PSMD1: variants seen among roughly 807,000 people sequenced by gnomAD.
The protein encoded by PSMD1 is proteasome 26S subunit, non-ATPase 1, also known as 26S proteasome non-ATPase regulatory subunit 1.
PSMD1 carries 18 observed loss-of-function variants against 119.0 expected under a neutral mutation model. The ratio of observed to expected loss-of-function variants is 0.15; its 90% CI spans 0.10 to 0.22. The LOEUF is 0.22. PSMD1 is among the 10% of genes least tolerant of loss of function. The pLI, the probability that PSMD1 is intolerant of heterozygous loss-of-function variation, is 1.00. For missense variants in PSMD1, 702 were observed against 1,158.5 expected, an observed-to-expected ratio of 0.61 and a Z score of 5.72; for synonymous variants, 374 against 396.6, an observed-to-expected ratio of 0.94 and a Z score of 0.68.
intron 16 of PSMD1, chr2:231,125,255 A>G (rs1695691298): frequency 6.6e-6 from 1 of 152,240 alleles, no homozygotes; most frequent in Non-Finnish European, 1.5e-5. Flanking sequence ...TATATTTTTA[A>G]GAGCTCTCTT....
intron 16 of PSMD1, among the ~76,000 whole-genome samples, chr2:231,136,823 G>A (rs966344892): frequency 6.6e-6 from 1 of 151,186 alleles, no homozygotes; most frequent in African/African-American, 2.4e-5. Context: ...CTTTATGTCT[G>A]CATTCTCTGT....
intron 16 of PSMD1, among the ~76,000 whole-genome samples, chr2:231,126,255 A>C (rs1574755913): frequency 6.6e-6 from 1 of 152,084 alleles, no homozygotes; most frequent in Non-Finnish European, 1.5e-5. Flanking sequence ...CACATAAATT[A>C]GCCAAGGGTG....
At chr2:231,075,135 A>G (rs923155703) in intron 7 of PSMD1, among the ~76,000 whole-genome samples, 2 of 152,180 alleles carry the variant, frequency 1.3e-5, no homozygotes, top group Non-Finnish European at 2.9e-5. Context: ...TTGACCTACA[A>G]GGGACTGTTG....
intron 16 of PSMD1, among the ~76,000 whole-genome samples, chr2:231,134,531 G>T (rs1695927011): frequency 6.6e-6 from 1 of 152,172 alleles, no homozygotes; most frequent in Non-Finnish European, 1.5e-5. Flanking sequence ...GATAGAGAGG[G>T]TTCTTCAGAA....
At chr2:231,136,957 T>C (rs1048825730) in intron 16 of PSMD1, among the ~76,000 whole-genome samples, 1 of 144,300 alleles carries the variant, frequency 6.9e-6, no homozygotes, top group African/African-American at 2.5e-5. Context: ...TATTTACATA[T>C]AGTATATATA....
At chr2:231,127,341 C>T (rs1695749948) in intron 16 of PSMD1, among the ~76,000 whole-genome samples, 1 of 150,966 alleles carries the variant, frequency 6.6e-6, no homozygotes, top group Non-Finnish European at 1.5e-5. Flanking sequence ...AGACTTGTAC[C>T]TTTTTTTGTG....
chr2:231,082,411 T>C (rs1313750391), intron 12 of PSMD1, among the ~76,000 whole-genome samples: 1 of 152,168 alleles, frequency 6.6e-6, no homozygotes, highest in African/African-American at 2.4e-5. Flanking sequence ...CTATTAAAAA[T>C]GAAATTGCTG....
chr2:231,094,886 A>G (rs761713719), intron 16 of PSMD1, among the ~76,000 whole-genome samples: 9 of 152,258 alleles, frequency 5.9e-5, no homozygotes, highest in East Asian at 3.9e-4. Flanking sequence ...AAGGAATTCT[A>G]TGACATCAGG....
chr2:231,119,994 C>G (rs1695481066), intron 16 of PSMD1, among the ~76,000 whole-genome samples: 1 of 151,010 alleles, frequency 6.6e-6, no homozygotes, highest in Non-Finnish European at 1.5e-5. Context: ...ACCCCGTCAC[C>G]CAGGCTGGAG....
intron 20 of PSMD1, among the ~76,000 whole-genome samples, chr2:231,162,692 T>TGG: frequency 1.3e-5 from 2 of 151,776 alleles, no homozygotes; most frequent in Admixed American, 6.6e-5. Context: ...CCGGGTGTGG[T>TGG]TGTGCACATC....
intron 7 of PSMD1, among the ~76,000 whole-genome samples, chr2:231,072,947 C>T (rs1405648541): frequency 6.6e-6 from 1 of 151,926 alleles, no homozygotes; most frequent in African/African-American, 2.4e-5. Context: ...CTGTATATGC[C>T]GGCAGCCCCC....
chr2:231,075,920 G>A (rs1404148677), intron 8 of PSMD1, among the ~76,000 whole-genome samples: 1 of 151,996 alleles, frequency 6.6e-6, no homozygotes, highest in Non-Finnish European at 1.5e-5. Flanking sequence ...AGTTGAGATT[G>A]TTACTTAATA....
intron 23 of PSMD1, among the ~76,000 whole-genome samples, chr2:231,166,247 G>A (rs1228220127): frequency 2.0e-5 from 3 of 152,094 alleles, no homozygotes; most frequent in Non-Finnish European, 4.4e-5. Flanking sequence ...ACAGACATAC[G>A]ACGTAGGAGT....
intron 4 of PSMD1, among the ~76,000 whole-genome samples, chr2:231,063,811 T>C (rs1241226567): frequency 8.0e-6 from 1 of 125,462 alleles, no homozygotes; most frequent in Non-Finnish European, 1.6e-5. Context: ...ACCTTACTTA[T>C]CTCTTTTATT....
chr2:231,148,723 CTTAAAG>C (rs1366631743), intron 18 of PSMD1, among the ~76,000 whole-genome samples: 2 of 152,168 alleles, frequency 1.3e-5, no homozygotes, highest in East Asian at 1.9e-4. Flanking sequence ...CTTAAGAATT[CTTAAAG>C]TTAATTTCAT....
At chr2:231,097,036 A>T (rs1217524644) in intron 16 of PSMD1, among the ~76,000 whole-genome samples, 1 of 152,248 alleles carries the variant, frequency 6.6e-6, no homozygotes, top group African/African-American at 2.4e-5. Flanking sequence ...TTTAGAACTC[A>T]TATCTAACAA....
At chr2:231,078,787 T>TTTTA in intron 10 of PSMD1, 40 bp downstream of exon 10, 3 of 1,228,038 alleles carry the variant, frequency 2.4e-6, no homozygotes, top group African/African-American at 1.6e-5. Flanking sequence ...TTCAAAATCT[T>TTTTA]TTTCTTTTTT....
In PSMD1 at chr2:231,091,540, A is replaced by G. The variant is rs185776437; in HGVS notation, c.1883+4359A>G. ...AGATGTGTGCAGCAGCAGATTTGTT[A>G]GGCATAGTGGTTATAACTCGTTTTC... On this transcript the variant is annotated intron_variant, in intron 16 of 24. Coordinates refer to ENST00000308696, the MANE Select transcript of PSMD1 (RefSeq NM_002807.4). Among the ~76,000 whole-genome samples, 289 of 152,330 alleles carry G rather than the reference A, an allele frequency of 1.9e-3. 3 individuals carry two copies. Among genetic ancestry groups the G allele is most frequent in the Non-Finnish European group, 2.3e-3 (157 of 68,026 alleles).
chr2:231,113,666 T>G, intron 16 of PSMD1: 1 of 1,428,060 alleles, frequency 7.0e-7, no homozygotes, highest in Non-Finnish European at 9.9e-7. Flanking sequence ...GACCTGGTAT[T>G]CTCCTAGCCA....
Sources: gnomAD v4.1 joint callset for allele counts (sites outside exome capture counted in the v4.1 genomes callset) on GRCh38, gnomAD v4.1.1 for gene constraint, MANE v1.5 for transcripts, NCBI Gene and HGNC (gene_info 2026-07-23, HGNC 2026-07-21) for gene names.